The following WFDC1 variants were observed in gnomAD, a reference collection of about 807,000 sequenced individuals.
WFDC1 encodes the protein WAP four-disulfide core domain 1.
WFDC1 carries 39 observed loss-of-function variants against 32.9 expected under a neutral mutation model. The ratio of observed to expected loss-of-function variants is 1.19; its 90% confidence interval spans 0.92 to 1.55. The LOEUF is 1.55. Ranked by LOEUF, WFDC1 falls within the 40% of genes most tolerant of loss-of-function variation. The pLI is 0.00. For missense variants in WFDC1, 386 were observed against 309.5 expected, an observed-to-expected ratio of 1.25 and a Z score of -1.85; for synonymous variants, 184 against 137.4, an observed-to-expected ratio of 1.34 and a Z score of -2.37.
chr16:84,315,274 T>G (rs889384590), intron 2 of WFDC1, among the ~76,000 whole-genome samples: 4 of 152,184 alleles, frequency 2.6e-5, no homozygotes, highest in Non-Finnish European at 5.9e-5. Context: ...TGACAGCCCC[T>G]CCTTGGCCAT....
At chr16:84,308,175 G>T (rs540554995) in intron 1 of WFDC1, among the ~76,000 whole-genome samples, 1 of 152,250 alleles carries the variant, frequency 6.6e-6, no homozygotes, top group South Asian at 2.1e-4. Context: ...CTCCTGCTTG[G>T]CCATTCCTGC....
intron 1 of WFDC1, among the ~76,000 whole-genome samples, chr16:84,309,767 C>T (rs1299094060): frequency 1.3e-5 from 2 of 152,062 alleles, no homozygotes; most frequent in Non-Finnish European, 2.9e-5. Flanking sequence ...ATGGTCACTC[C>T]TTGGTCTGTA....
At chr16:84,318,443 G>C (rs1424176351) in intron 3 of WFDC1, 88 bp downstream of exon 3, 1 of 1,338,156 alleles carries the variant, frequency 7.5e-7, no homozygotes, top group Non-Finnish European at 1.1e-6. Flanking sequence ...CACCAGGCCG[G>C]CTGTCCCCCA....
rs960078577 is a variant in WFDC1 at position 84,294,914 on chromosome 16, C to A, written c.-58C>A. On this transcript the variant is annotated 5_prime_UTR_variant, in exon 1 of 7. Transcript: ENST00000219454. The stretch of plus-strand genomic sequence containing the variant: ...GCTCCTGTCCCCACTCACAGGCCCA[C>A]GCAGCGAGGGGGGCCCCTCTTCTGT... The A allele has an allele frequency of 1.9e-6, 3 of 1,575,270 alleles. No homozygotes were observed. In the African/African-American group the frequency reaches 4.0e-5, roughly 21 times the overall value.
At chr16:84,314,579 C>T (rs1372516567) in intron 2 of WFDC1, among the ~76,000 whole-genome samples, 1 of 152,068 alleles carries the variant, frequency 6.6e-6, no homozygotes, top group Non-Finnish European at 1.5e-5. Context: ...GGGGTGAGGT[C>T]ACAGCGATGA....
At chr16:84,315,101 C>T (rs1011202121) in intron 2 of WFDC1, among the ~76,000 whole-genome samples, 19 of 152,194 alleles carry the variant, frequency 1.2e-4, no homozygotes, top group Admixed American at 1.0e-3. Flanking sequence ...TGCCTTAGGC[C>T]GTGAGTGTGG....
Position 84,302,188 on chromosome 16 carries a change from G to C in WFDC1, c.144+7073G>C, listed in dbSNP as rs115964173. On this transcript the variant is annotated intron_variant, in intron 1 of 6. Coordinates refer to ENST00000219454, the MANE Select transcript of WFDC1 (RefSeq NM_021197.4). ...CCAGCGGGACGGGAAGGAGATTCTTGGTTGCCAGGGGCTGGGGGAGGGAGG... is the reference window on the plus strand; with the variant it reads ...CCAGCGGGACGGGAAGGAGATTCTTCGTTGCCAGGGGCTGGGGGAGGGAGG... 6.5e-3 allele frequency among the ~76,000 whole-genome samples: 987 copies of C among 152,228 alleles called. 12 individuals carry two copies. The highest frequency in any genetic ancestry group is 0.022 in the African/African-American group (934 of 41,522).
intron 1 of WFDC1, among the ~76,000 whole-genome samples, chr16:84,298,081 C>G (rs1906716963): frequency 1.3e-5 from 2 of 151,706 alleles, no homozygotes; most frequent in Admixed American, 1.3e-4. Context: ...GCCATGATCA[C>G]AAACTAAGTT....
chr16:84,324,447 C>G lies in WFDC1; in HGVS notation c.591C>G (p.Tyr197Ter). The change falls in exon 5 of 7, where the codon TAC (tyrosine) becomes TAG (stop). Residue 197 changes from tyrosine to a stop codon, truncating the protein, a stop_gained. Coordinates refer to ENST00000219454, the MANE Select transcript of WFDC1 (RefSeq NM_021197.4). LOFTEE classifies it high-confidence loss of function. ...ADGRILRHKL[Y>*]KEYPEGDSKN... ...GGCGAATCCTACGACACAAACTTTA[C>G]AAAGAATATCCAGGTAAAAGAAGAA... 6.2e-7 allele frequency: 1 copy of G among 1,613,632 alleles called. No individual in the cohort carries two copies. Among genetic ancestry groups the G allele is most frequent in the Non-Finnish European group, 8.5e-7 (1 of 1,179,868 alleles).
chr16:84,320,045 G>C (rs543921013), intron 4 of WFDC1, among the ~76,000 whole-genome samples: 1 of 152,280 alleles, frequency 6.6e-6, no homozygotes, highest in South Asian at 2.1e-4. Flanking sequence ...AAGATTGTTA[G>C]ACTTTACGCT....
intron 5 of WFDC1, 134 bp downstream of exon 5, chr16:84,324,594 A>AATAGAAGAC (rs1228605252): frequency 7.2e-6 from 7 of 975,256 alleles, no homozygotes; most frequent in African/African-American, 1.6e-5. Context: ...TAAGAAACAA[A>AATAGAAGAC]ATAGAAGACC....
chr16:84,314,949 C>T (rs113884782), intron 2 of WFDC1, among the ~76,000 whole-genome samples: 1,537 of 152,354 alleles, frequency 0.01, 19 homozygotes, highest in African/African-American at 0.035. Context: ...TCTCGTTTCA[C>T]GCTCACACAG....
At chr16:84,296,951 G>C (rs1906633519) in intron 1 of WFDC1, 1 of 152,182 alleles carries the variant, frequency 6.6e-6, no homozygotes, top group African/African-American at 2.4e-5. Context: ...AGATTTTATT[G>C]ACTCCTCCAT....
rs980163028 is a variant in WFDC1 at position 84,294,900 on chromosome 16, C to T, written c.-72C>T. On this transcript the variant is annotated 5_prime_UTR_variant, in exon 1 of 7. Transcript: ENST00000219454. ...AGCAGACTGTGCACGCTCCTGTCCC[C>T]ACTCACAGGCCCACGCAGCGAGGGG... The T allele has an allele frequency of 2.8e-5, 44 of 1,562,972 alleles. No individual in the cohort carries two copies. The highest frequency in any genetic ancestry group is 3.7e-5 in the Non-Finnish European group (43 of 1,155,556).
At chr16:84,310,473 G>A (rs1907545396) in intron 1 of WFDC1, among the ~76,000 whole-genome samples, 1 of 152,040 alleles carries the variant, frequency 6.6e-6, no homozygotes, top group South Asian at 2.1e-4. Context: ...GCTCTGCATG[G>A]AGACTGCCTT....
At chr16:84,312,627 C>T (rs529895032) in intron 1 of WFDC1, among the ~76,000 whole-genome samples, 4 of 152,200 alleles carry the variant, frequency 2.6e-5, no homozygotes, top group South Asian at 4.2e-4. Flanking sequence ...TGTATATACA[C>T]ATATATACCA....
At chr16:84,304,975 TC>T (rs763847843) in intron 1 of WFDC1, among the ~76,000 whole-genome samples, 9 of 152,222 alleles carry the variant, frequency 5.9e-5, no homozygotes, top group Non-Finnish European at 1.0e-4. Context: ...AGTTCCAGGC[TC>T]CTGGGTCAGG....
At position 84,313,124 on chromosome 16, in the gene WFDC1, C is replaced by T. The variant is rs1907743662; in HGVS notation, c.308C>T (p.Ala103Val). The T allele has an allele frequency of 6.9e-7, 1 of 1,446,024 alleles. No individual in the cohort carries two copies. Among genetic ancestry groups the T allele is most frequent in the East Asian group, 3.0e-5 (1 of 33,054 alleles). The allele number at this position is 1,446,024 out of a possible 1,614,324, so 89.6% of individuals were successfully genotyped here. A position where few individuals can be genotyped will look rare whatever the true frequency, so the allele number is the denominator to read the frequency against. Residue 103 changes from alanine to valine, a missense_variant, in exon 2 of 7, where the codon GCC (alanine) becomes GTC (valine). Transcript: ENST00000219454. ...RRCCYNGCAY[A>V]CLEAVPPPPV... is the part of the protein sequence containing the mutation. Reference sequence around the variant, plus strand: ...TGCTGCTACAACGGATGCGCCTACGCCTGCCTAGAAGCTGTGCCGCCCCCG... The same window carrying T: ...TGCTGCTACAACGGATGCGCCTACGTCTGCCTAGAAGCTGTGCCGCCCCCG...
chr16:84,316,604 A>AATC (rs1392427773), intron 2 of WFDC1: 2 of 140,980 alleles, frequency 1.4e-5, no homozygotes, highest in Non-Finnish European at 3.1e-5. Context: ...TCTGTAGAAT[A>AATC]ATCATCATCA....
Sources: gnomAD v4.1 joint callset for allele counts (sites outside exome capture counted in the v4.1 genomes callset) on GRCh38, gnomAD v4.1.1 for gene constraint, MANE v1.5 for transcripts, NCBI Gene and HGNC (gene_info 2026-07-23, HGNC 2026-07-21) for gene names.